ACAA2: variants seen among roughly 807,000 people sequenced by gnomAD.
ACAA2 encodes acetyl-CoA acyltransferase 2.
Under a neutral mutation model 44.8 loss-of-function variants are expected in ACAA2, and 35 were observed. The ratio of observed to expected loss-of-function variants is 0.78; its 90% confidence interval spans 0.60 to 1.04. ACAA2 has a LOEUF of 1.04. Among genes scored for constraint, ACAA2 ranks in the 50% least tolerant of loss-of-function variants. The probability of loss-of-function intolerance (pLI) is 0.00; values close to 1 mark genes in which losing one functional copy is unlikely to be tolerated. For missense variants in ACAA2, 468 were observed against 482.6 expected (o/e 0.97, Z 0.28); for synonymous variants, 142 against 166.5 (o/e 0.85, Z 1.13).
Position 49,782,529 on chromosome 18 carries a change from C to G in ACAA2, c.*1318G>C, listed in dbSNP as rs1169963916. ...TGCCACTGCAATTCTGCCTGGGTGA[C>G]AGAGCAAGATGCTATCTCAAAAAAA... On this transcript the variant is annotated 3_prime_UTR_variant, in exon 10 of 10. Transcript: ENST00000285093. 1 of 132,360 alleles carries G rather than the reference C, an allele frequency of 7.6e-6. No individual in the cohort carries two copies. The highest frequency in any genetic ancestry group is 1.6e-5 in the Non-Finnish European group (1 of 64,356). The allele number at this position is 132,360 out of a possible 1,614,324, so 8.2% of individuals were successfully genotyped here.
intron 8 of ACAA2, chr18:49,786,286 G>GGAAAACTATGGTCTGA (rs2023328273): frequency 6.6e-6 from 1 of 152,108 alleles, no homozygotes; most frequent in African/African-American, 2.4e-5. Context: ...TTTGAACCTA[G>GGAAAACTATGGTCTGA]GAAAACTATG....
At chr18:49,806,331 G>A (rs2023610125) in intron 1 of ACAA2, among the ~76,000 whole-genome samples, 1 of 152,118 alleles carries the variant, frequency 6.6e-6, no homozygotes. Flanking sequence ...TATAAACTCT[G>A]CCCAAATATT....
intron 2 of ACAA2, among the ~76,000 whole-genome samples, chr18:49,799,387 G>A (rs12962550): frequency 0.073 from 10,244 of 140,090 alleles, 824 homozygotes; most frequent in East Asian, 0.29. Context: ...ACTGGTTTTC[G>A]TATTTTTTTG....
chr18:49,806,232 G>C (rs2023609316), intron 1 of ACAA2, among the ~76,000 whole-genome samples: 1 of 152,152 alleles, frequency 6.6e-6, no homozygotes, highest in Non-Finnish European at 1.5e-5. Flanking sequence ...AAGAATCAGA[G>C]AATAAAATTC....
chr18:49,803,776 A>G (rs549810125), intron 1 of ACAA2, among the ~76,000 whole-genome samples: 5 of 152,296 alleles, frequency 3.3e-5, no homozygotes, highest in South Asian at 2.1e-4. Context: ...CACTCACTCT[A>G]TAAGAACTAC....
chr18:49,798,186 G>A (rs1469375049), intron 2 of ACAA2, among the ~76,000 whole-genome samples: 3 of 152,110 alleles, frequency 2.0e-5, no homozygotes, highest in Admixed American at 1.3e-4. Context: ...TGGGGCCTGG[G>A]CATCAGTAGT....
intron 3 of ACAA2, among the ~76,000 whole-genome samples, chr18:49,796,485 T>C (rs1015204190): frequency 3.9e-5 from 6 of 152,296 alleles, no homozygotes; most frequent in African/African-American, 1.4e-4. Flanking sequence ...AATGTGAAAA[T>C]TGTTTTATTA....
At position 49,785,294 on chromosome 18, in the gene ACAA2, T is replaced by C. The variant is rs901054717; in HGVS notation, c.1012A>G (p.Ile338Val). The change falls in exon 9 of 10, where the codon ATA (isoleucine) becomes GTA (valine). Residue 338 changes from isoleucine (I) to valine (V), a missense_variant. Physicochemically the swap from Ile to Val is conservative, Grantham distance 29 (BLOSUM62 3). Transcript: ENST00000285093. ...LAVERSLDLD[I>V]SKTNVNGGAI... ...CCTCCATTCACATTGGTTTTACTTA[T>C]GTCAAGATCCAAACTCCTCTCAACA... 6.2e-7 allele frequency: 1 copy of C among 1,614,098 alleles called. No individual in the cohort carries two copies. Among genetic ancestry groups the C allele is most frequent in the Non-Finnish European group, 8.5e-7 (1 of 1,180,028 alleles).
rs958299016 is a variant in ACAA2, at chr18:49,802,748, A to G, written c.122T>C (p.Leu41Ser). 20 of 1,614,028 alleles carry G rather than the reference A, an allele frequency of 1.2e-5. No homozygotes were observed. Among genetic ancestry groups the G allele is most frequent in the Non-Finnish European group, 1.7e-5 (20 of 1,180,018 alleles). The change falls in exon 2 of 10, where the codon TTG (leucine) becomes TCG (serine). Residue 41 changes from leucine to serine, a missense_variant. Coordinates refer to ENST00000285093, the MANE Select transcript of ACAA2 (RefSeq NM_006111.3). ...DLSEFAAKAA[L>S]SAGKVSPETV... Reference sequence around the variant, plus strand: ...TTCAGGTGAGACTTTGCCAGCAGACAAGGCAGCCTTGGCAGCAAATTCAGA... The same window carrying G: ...TTCAGGTGAGACTTTGCCAGCAGACGAGGCAGCCTTGGCAGCAAATTCAGA...
intron 4 of ACAA2, among the ~76,000 whole-genome samples, chr18:49,794,708 G>A (rs1008827293): frequency 2.6e-5 from 4 of 152,198 alleles, no homozygotes; most frequent in African/African-American, 4.8e-5. Flanking sequence ...TGAGATCACA[G>A]AAGTTACCCT....
At position 49,813,472 on chromosome 18, in the gene ACAA2, G is replaced by C; in HGVS notation, c.13C>G (p.Arg5Gly). 4 of 1,242,456 alleles carry C rather than the reference G, an allele frequency of 3.2e-6. No homozygotes were observed. The highest frequency in any genetic ancestry group is 4.0e-6 in the Non-Finnish European group (4 of 988,048). The allele number at this position is 1,242,456 out of a possible 1,614,324, so 77.0% of individuals were successfully genotyped here. The change falls in exon 1 of 10, where the codon CGA becomes GGA. Residue 5 changes from arginine to glycine, a missense_variant. Arg to Gly is a moderately radical substitution (Grantham distance 125, BLOSUM62 -2). Transcript: ENST00000285093. The stretch of plus-strand genomic sequence containing the variant: ...AGGAGGAGGGGGCTGCGCTCACCTC[G>C]GAGCAGAGCCATGGCGGCTGCTGGG... The part of the protein sequence containing the change: MALL[R>G]GVFVVAAKRT...
intron 2 of ACAA2, among the ~76,000 whole-genome samples, chr18:49,800,476 A>T (rs1302167976): frequency 6.6e-6 from 1 of 152,158 alleles, no homozygotes; most frequent in Admixed American, 6.5e-5. Context: ...TGGGGAAGGG[A>T]TTGAGAAATC....
intron 6 of ACAA2, among the ~76,000 whole-genome samples, 181 bp from the exon 7 acceptor site, chr18:49,791,780 C>T (rs761073016): frequency 6.6e-5 from 10 of 151,528 alleles, no homozygotes; most frequent in Non-Finnish European, 1.5e-4. Context: ...GCACAGAATA[C>T]AACTTTACTA....
intron 3 of ACAA2, 56 bp downstream of exon 3, chr18:49,797,410 T>G (rs2023477356): frequency 6.5e-7 from 1 of 1,527,740 alleles, no homozygotes; most frequent in Admixed American, 1.9e-5. Context: ...AGTGGGACAT[T>G]TCTTCTAGTA....
intron 2 of ACAA2, among the ~76,000 whole-genome samples, chr18:49,800,535 C>CA (rs944335125): frequency 3.9e-4 from 59 of 152,290 alleles, no homozygotes; most frequent in African/African-American, 1.3e-3. Flanking sequence ...GGAGACTTTT[C>CA]ATTTTGTTTT....
intron 1 of ACAA2, among the ~76,000 whole-genome samples, chr18:49,813,224 T>C (rs1184881689): frequency 6.6e-6 from 1 of 152,210 alleles, no homozygotes; most frequent in East Asian, 1.9e-4. Context: ...CAAGCAAACT[T>C]TGGTCTCAAC....
At chr18:49,813,321 G>C in intron 1 of ACAA2, 148 bp downstream of exon 1, 1 of 577,976 alleles carries the variant, frequency 1.7e-6, no homozygotes, top group Non-Finnish European at 2.6e-6. Context: ...TTTCGGGCTG[G>C]GTTTTTATCA....
intron 1 of ACAA2, among the ~76,000 whole-genome samples, chr18:49,805,060 T>C (rs748891628): frequency 6.6e-6 from 1 of 152,260 alleles, no homozygotes; most frequent in Non-Finnish European, 1.5e-5. Context: ...TACTATGGAA[T>C]AGACTTCATG....
At chr18:49,793,888 C>T (rs2143957986) in intron 5 of ACAA2, among the ~76,000 whole-genome samples, 1 of 152,178 alleles carries the variant, frequency 6.6e-6, no homozygotes, top group Middle Eastern at 3.4e-3. Context: ...ATACATTACC[C>T]CTTCTTATGA....
Sources: gnomAD v4.1 joint callset for allele counts (sites outside exome capture counted in the v4.1 genomes callset) on GRCh38, gnomAD v4.1.1 for gene constraint, MANE v1.5 for transcripts, NCBI Gene and HGNC (gene_info 2026-07-23, HGNC 2026-07-21) for gene names.